Variants in TTC39B observed in about 807,000 individuals in gnomAD.
TTC39B encodes tetratricopeptide repeat protein 39B.
TTC39B carries 92 observed loss-of-function variants against 96.6 expected under a neutral mutation model. The ratio of observed to expected loss-of-function variants is 0.95; its 90% CI spans 0.80 to 1.13. The LOEUF (loss-of-function observed/expected upper bound fraction) is 1.13, where lower values mean the gene tolerates loss of function less well. TTC39B is among the 50% of genes most tolerant of loss of function. The pLI is 0.00. For missense variants in TTC39B, 955 were observed against 809.3 expected (o/e 1.18, Z -2.18); for synonymous variants, 367 against 299.4 (o/e 1.23, Z -2.33).
At chr9:15,258,125 G>C (rs1563769138) in intron 2 of TTC39B, among the ~76,000 whole-genome samples, 2 of 152,140 alleles carry the variant, frequency 1.3e-5, no homozygotes, top group Admixed American at 6.5e-5. Flanking sequence ...AGTTGGAAAA[G>C]TAGAGGGAGA....
Position 15,274,424 on chromosome 9 carries a change from A to G in TTC39B, c.241-6476T>C, listed in dbSNP as rs184038449. ...CACATTTTTTTAAGTTTCATATTGC[A>G]TGAAAGAGCATCAATGTTCTTTGAT... On this transcript the variant is annotated intron_variant, in intron 1 of 19. Coordinates refer to ENST00000512701, the Ensembl canonical transcript of TTC39B. Among the ~76,000 whole-genome samples the G allele has an allele frequency of 3.6e-4, 55 of 152,332 alleles. 1 individual carries two copies. The highest frequency in any genetic ancestry group is 2.0e-3 in the Admixed American group (31 of 15,302).
At chr9:15,237,859 C>T (rs907767683) in intron 2 of TTC39B, among the ~76,000 whole-genome samples, 1 of 152,076 alleles carries the variant, frequency 6.6e-6, no homozygotes, top group African/African-American at 2.4e-5. Context: ...AACCAATATC[C>T]CTGAGGAACA....
At chr9:15,187,824 G>C (rs1818618845) in intron 14 of TTC39B, 147 bp downstream of exon 14, 3 of 780,980 alleles carry the variant, frequency 3.8e-6, no homozygotes, top group Non-Finnish European at 3.8e-6. Flanking sequence ...TAAATAGTGG[G>C]TACTTAAGGC....
chr9:15,305,734 G>A (rs1824733540), intron 1 of TTC39B, among the ~76,000 whole-genome samples: 1 of 150,154 alleles, frequency 6.7e-6, no homozygotes, highest in South Asian at 2.1e-4. Context: ...TAGCTGGGGT[G>A]ACCATTTGTC....
At chr9:15,245,979 C>T (rs1311553549) in intron 2 of TTC39B, among the ~76,000 whole-genome samples, 11 of 152,152 alleles carry the variant, frequency 7.2e-5, no homozygotes. Context: ...CCAGGCCGGG[C>T]GTGGTGGCTC....
At chr9:15,233,951 G>A (rs1401607660) in intron 2 of TTC39B, among the ~76,000 whole-genome samples, 1 of 151,416 alleles carries the variant, frequency 6.6e-6, no homozygotes, top group Non-Finnish European at 1.5e-5. Flanking sequence ...AGGAAGTGAG[G>A]AGCGTCTCTG....
At chr9:15,169,274 T>G (rs1283379601) in exon 20 of TTC39B, 1 of 152,200 alleles carries the variant, frequency 6.6e-6, no homozygotes, top group Non-Finnish European at 1.5e-5. Flanking sequence ...GGAAACTTCT[T>G]GTATCAGGGA....
At chr9:15,262,690 AACTATTTGCT>A (rs2131539542) in intron 2 of TTC39B, among the ~76,000 whole-genome samples, 1 of 152,308 alleles carries the variant, frequency 6.6e-6, no homozygotes, top group South Asian at 2.1e-4. Context: ...AAAAATAAGA[AACTATTTGCT>A]TTGTGGAAAC....
At chr9:15,282,896 A>C (rs1300878423) in intron 1 of TTC39B, among the ~76,000 whole-genome samples, 1 of 152,220 alleles carries the variant, frequency 6.6e-6, no homozygotes, top group Non-Finnish European at 1.5e-5. Context: ...TGAGAAGCAA[A>C]TTTTGTAAAT....
chr9:15,173,770 C>A (rs1040689600), intron 19 of TTC39B, among the ~76,000 whole-genome samples: 1 of 152,192 alleles, frequency 6.6e-6, no homozygotes, highest in African/African-American at 2.4e-5. Context: ...CAGCCCTGAC[C>A]TTATCACTGA....
At chr9:15,199,141 T>C (rs1407410628) in intron 8 of TTC39B, among the ~76,000 whole-genome samples, 1 of 152,116 alleles carries the variant, frequency 6.6e-6, no homozygotes, top group Non-Finnish European at 1.5e-5. Context: ...GACAACTGGA[T>C]AAAAATCAAT....
intron 4 of TTC39B, 74 bp from the exon 5 acceptor site, chr9:15,211,471 A>G: frequency 1.5e-6 from 2 of 1,299,706 alleles, no homozygotes; most frequent in South Asian, 2.1e-5. Flanking sequence ...TAGTAAATGC[A>G]TGTCCTGACT....
exon 1 of TTC39B, chr9:15,307,115 A>G (rs1289619809): frequency 1.2e-6 from 2 of 1,610,596 alleles, no homozygotes; most frequent in Admixed American, 1.7e-5. Flanking sequence ...TCGGCTGCCT[A>G]AGAGCGCCAT....
At position 15,175,225 on chromosome 9, in the gene TTC39B, CAT is replaced by C; in HGVS notation, c.1842-92_1842-91del. ...TATATTATTCCCATTCTTCAGAAAA[CAT>C]GTGCAGCACTAAGTCTATTATCATA... On this transcript the variant is annotated intron_variant, in intron 18 of 19. Coordinates refer to ENST00000512701, the Ensembl canonical transcript of TTC39B. 3 of 893,442 alleles carry C rather than the reference CAT, an allele frequency of 3.4e-6. No individual in the cohort carries two copies. The South Asian group carries it at 4.6e-5, about 14-fold the overall frequency. 55.3% of individuals were successfully genotyped at this position (893,442 alleles called of 1,614,324 possible). A position where few individuals can be genotyped will look rare whatever the true frequency, so the allele number is the denominator to read the frequency against.
At chr9:15,242,842 G>T (rs955900804) in intron 2 of TTC39B, among the ~76,000 whole-genome samples, 1 of 152,152 alleles carries the variant, frequency 6.6e-6, no homozygotes, top group Non-Finnish European at 1.5e-5. Context: ...CTGTAAGTTT[G>T]GAATTATCAT....
In TTC39B at chr9:15,306,053, C is replaced by A. The variant is rs571134514; in HGVS notation, c.240+1031G>T. Among the ~76,000 whole-genome samples the A allele has an allele frequency of 3.9e-5, 6 of 152,278 alleles. No individual in the cohort carries two copies. The highest frequency in any genetic ancestry group is 1.2e-4 in the African/African-American group (5 of 41,558). ...ACATTTAAAGTATAGTCTTCCTTGT[C>A]AGGAGATTCCTGGCACTAAAGAGAT... On this transcript the variant is annotated intron_variant, in intron 1 of 19. Coordinates refer to ENST00000512701, the Ensembl canonical transcript of TTC39B. This position sits in a 1 kb window ranked among gnomAD's most constrained non-coding sequence, Gnocchi z 5.1.
chr9:15,292,267 C>T (rs935753901), intron 1 of TTC39B, among the ~76,000 whole-genome samples: 6 of 152,136 alleles, frequency 3.9e-5, no homozygotes, highest in African/African-American at 9.7e-5. Context: ...ACATACACCA[C>T]GGTGGTCCCA....
chr9:15,302,229 G>A (rs993027524), intron 1 of TTC39B, among the ~76,000 whole-genome samples: 1 of 151,798 alleles, frequency 6.6e-6, no homozygotes, highest in Non-Finnish European at 1.5e-5. Flanking sequence ...CGGAGGCTGA[G>A]GCAGGAGAAT....
At chr9:15,237,667 A>G (rs1821848432) in intron 2 of TTC39B, among the ~76,000 whole-genome samples, 2 of 152,036 alleles carry the variant, frequency 1.3e-5, no homozygotes, top group African/African-American at 4.8e-5. Flanking sequence ...AAAAAAAAAA[A>G]AAGCAGCTCA....
Sources: gnomAD v4.1 joint callset for allele counts (sites outside exome capture counted in the v4.1 genomes callset) on GRCh38, gnomAD v4.1.1 for gene constraint, Gnocchi (gnomAD v3.1) non-coding constraint, MANE v1.5 for transcripts, NCBI Gene and HGNC (gene_info 2026-07-23, HGNC 2026-07-21) for gene names.